BRAP: variants seen among roughly 807,000 people sequenced by gnomAD.
BRAP encodes BRCA1 associated protein.
In BRAP, 42 loss-of-function variants were observed where a neutral mutation model predicts 73.4. The ratio of observed to expected loss-of-function variants is 0.57; its 90% confidence interval spans 0.45 to 0.74. The LOEUF is 0.74. Ranked by LOEUF, BRAP falls within the 30% of genes least tolerant of loss-of-function variation. The pLI is 0.00. For missense variants in BRAP, 593 were observed against 751.4 expected (o/e 0.79, Z 2.46); for synonymous variants, 255 against 267.4 (o/e 0.95, Z 0.45).
intron 11 of BRAP, among the ~76,000 whole-genome samples, chr12:111,647,480 AG>A: frequency 6.6e-6 from 1 of 152,206 alleles, no homozygotes; most frequent in Non-Finnish European, 1.5e-5. Context: ...AACATCTAGA[AG>A]AAGAAATATT....
intron 2 of BRAP, among the ~76,000 whole-genome samples, chr12:111,682,094 C>G (rs1446499201): frequency 6.6e-6 from 1 of 152,192 alleles, no homozygotes; most frequent in Non-Finnish European, 1.5e-5. Context: ...ATAATGCAAG[C>G]AGGTATCTTC....
intron 10 of BRAP, among the ~76,000 whole-genome samples, chr12:111,650,423 G>A (rs1416069351): frequency 2.0e-5 from 3 of 152,086 alleles, no homozygotes; most frequent in Non-Finnish European, 2.9e-5. Context: ...CTGCCACCAC[G>A]CCCGGCTAAT....
intron 1 of BRAP, 178 bp downstream of exon 1, chr12:111,685,533 T>TAACA: frequency 2.3e-6 from 3 of 1,321,216 alleles, no homozygotes; most frequent in Non-Finnish European, 2.9e-6. Flanking sequence ...TTCCCTGAGA[T>TAACA]AACAAACGGG....
At chr12:111,653,088 G>A (rs540271519) in intron 10 of BRAP, among the ~76,000 whole-genome samples, 1 of 152,262 alleles carries the variant, frequency 6.6e-6, no homozygotes, top group East Asian at 1.9e-4. Context: ...AGCTACTAGG[G>A]AGACTGAGGT....
At chr12:111,648,589 T>C (rs943636316) in intron 11 of BRAP, among the ~76,000 whole-genome samples, 1 of 138,508 alleles carries the variant, frequency 7.2e-6, no homozygotes, top group Admixed American at 7.3e-5. Flanking sequence ...TCCAGCCTAT[T>C]GCGCCACTGC....
At chr12:111,649,135 T>G (rs1436017272) in intron 11 of BRAP, among the ~76,000 whole-genome samples, 1 of 152,208 alleles carries the variant, frequency 6.6e-6, no homozygotes, top group African/African-American at 2.4e-5. Context: ...TTTTGTAGTG[T>G]TGTTTTTACA....
intron 4 of BRAP, among the ~76,000 whole-genome samples, chr12:111,675,421 A>G (rs1887343516): frequency 6.6e-6 from 1 of 150,804 alleles, no homozygotes; most frequent in South Asian, 2.1e-4. Flanking sequence ...CCCAATTAAC[A>G]TATTGATCTC....
intron 8 of BRAP, 100 bp downstream of exon 8, chr12:111,659,107 C>A: frequency 6.9e-7 from 1 of 1,440,002 alleles, no homozygotes; most frequent in South Asian, 1.3e-5. Flanking sequence ...CAACAGCTGT[C>A]AAAAGATGAC....
At chr12:111,661,279 G>GTT (rs144136043) in intron 6 of BRAP, among the ~76,000 whole-genome samples, 1,837 of 118,978 alleles carry the variant, frequency 0.015, 50 homozygotes, top group African/African-American at 0.053. Flanking sequence ...CTCCCAGCTT[G>GTT]TTTTTTTTTT....
intron 10 of BRAP, among the ~76,000 whole-genome samples, chr12:111,651,322 G>A (rs576001458): frequency 5.3e-5 from 8 of 152,040 alleles, no homozygotes; most frequent in African/African-American, 1.9e-4. Context: ...GGTGGATCAC[G>A]AGGTCAGGAG....
chr12:111,660,879 G>C (rs1030194968), intron 6 of BRAP, among the ~76,000 whole-genome samples: 2 of 152,104 alleles, frequency 1.3e-5, no homozygotes, highest in Admixed American at 1.3e-4. Flanking sequence ...ATTGGGATCT[G>C]CCTCATGTCC....
chr12:111,648,699 A>G (rs10774632), intron 11 of BRAP, among the ~76,000 whole-genome samples: 54,388 of 150,334 alleles, frequency 0.36, 14,269 homozygotes, highest in East Asian at 0.9. Flanking sequence ...AGGCCAAAGC[A>G]GGTGGATCAT....
At chr12:111,682,464 G>A (rs1887639004) in intron 2 of BRAP, among the ~76,000 whole-genome samples, 2 of 132,006 alleles carry the variant, frequency 1.5e-5, no homozygotes, top group Non-Finnish European at 3.1e-5. Context: ...TCATGCCACT[G>A]CACTCCCACC....
At chr12:111,683,387 C>G (rs1158140782) in intron 1 of BRAP, 80 bp from the exon 2 acceptor site, 1 of 1,463,394 alleles carries the variant, frequency 6.8e-7, no homozygotes, top group Non-Finnish European at 9.2e-7. Flanking sequence ...ATTAGGTTTT[C>G]CTTTTCTTTC....
At chr12:111,660,810 TAAAATA>T in intron 6 of BRAP, 135 bp from the exon 7 acceptor site, 1 of 554,322 alleles carries the variant, frequency 1.8e-6, no homozygotes, top group South Asian at 3.4e-5. Context: ...GGATATCACT[TAAAATA>T]AAATATACAA....
intron 9 of BRAP, among the ~76,000 whole-genome samples, chr12:111,656,484 G>A (rs1886537597): frequency 6.6e-6 from 1 of 152,166 alleles, no homozygotes; most frequent in African/African-American, 2.4e-5. Flanking sequence ...AGGCTTTGGG[G>A]TATTATAATA....
chr12:111,647,019 G>A (rs1389613968), intron 11 of BRAP, among the ~76,000 whole-genome samples: 1 of 152,112 alleles, frequency 6.6e-6, no homozygotes, highest in Non-Finnish European at 1.5e-5. Context: ...TAGCATTTTT[G>A]GAGGCCAAGA....
Position 111,681,955 on chromosome 12 carries a change from CATTAACAGCT to C in BRAP, c.245-130_245-121del, listed in dbSNP as rs1168942409. 4.5e-6 allele frequency: 4 copies of C among 886,638 alleles called. No homozygotes were observed. In the African/African-American group the frequency reaches 6.8e-5, roughly 15 times the overall value. The allele number at this position is 886,638 out of a possible 1,614,324, so 54.9% of individuals were successfully genotyped here. On this transcript the variant is annotated intron_variant, in intron 2 of 11. Transcript: ENST00000419234. ...TTGATAGAGTAATTACAATGTAATGCATTAACAGCTATTATTTGTAGAATAGCTGAGTTTA... is the reference window on the plus strand; with the variant it reads ...TTGATAGAGTAATTACAATGTAATGCATTATTTGTAGAATAGCTGAGTTTA...
Position 111,665,574 on chromosome 12 carries a change from CTCT to C in BRAP, c.896+62_896+64del. The C allele has an allele frequency of 2.5e-6, 4 of 1,575,666 alleles. No individual in the cohort carries two copies. Among genetic ancestry groups the C allele is most frequent in the Non-Finnish European group, 3.5e-6 (4 of 1,153,526 alleles). ...TGGAATGGTTCATTTCTGCTGGTGG[CTCT>C]TTTTAATTCTGGAAGGGTTGCAATG... On this transcript the variant is annotated intron_variant, in intron 6 of 11. Coordinates refer to ENST00000419234, the MANE Select transcript of BRAP (RefSeq NM_006768.5). This position sits in a 1 kb window ranked among gnomAD's most constrained non-coding sequence, Gnocchi z 4.3.
Sources: gnomAD v4.1 joint callset for allele counts (sites outside exome capture counted in the v4.1 genomes callset) on GRCh38, gnomAD v4.1.1 for gene constraint, Gnocchi (gnomAD v3.1) non-coding constraint, MANE v1.5 for transcripts, NCBI Gene and HGNC (gene_info 2026-07-23, HGNC 2026-07-21) for gene names.